TLE3: variants seen among roughly 807,000 people sequenced by gnomAD.
TLE3 encodes the protein transducin-like enhancer protein 3.
TLE3 carries 14 observed loss-of-function variants against 93.0 expected under a neutral mutation model. That is an observed-to-expected ratio of 0.15 (90% CI 0.10 to 0.24). The LOEUF (loss-of-function observed/expected upper bound fraction) is 0.24, where lower values mean the gene tolerates loss of function less well. TLE3 is among the 10% of genes least tolerant of loss of function. The pLI, the probability that TLE3 is intolerant of heterozygous loss-of-function variation, is 1.00. For missense variants in TLE3, 693 were observed against 1,046.6 expected, an observed-to-expected ratio of 0.66 and a Z score of 4.66; for synonymous variants, 451 against 425.0, an observed-to-expected ratio of 1.06 and a Z score of -0.75.
chr15:70,064,666 G>A (rs921043336), intron 7 of TLE3, among the ~76,000 whole-genome samples, 196 bp from the exon 8 acceptor site: 3 of 152,104 alleles, frequency 2.0e-5, no homozygotes, highest in Non-Finnish European at 2.9e-5. Flanking sequence ...GGCGTTTCTC[G>A]GTTTGGAAAT....
At chr15:70,077,897 T>G (rs2057530540) in intron 4 of TLE3, among the ~76,000 whole-genome samples, 1 of 152,196 alleles carries the variant, frequency 6.6e-6, no homozygotes, top group Non-Finnish European at 1.5e-5. Context: ...ACTTCCAAAC[T>G]GCCCAGCTCA....
Position 70,052,364 on chromosome 15 carries a change from C to T in TLE3, c.2125+10G>A, listed in dbSNP as rs1267426897. ...CCACTCCATCAGGCCTGGGCCCATC[C>T]AAGGCTCACCGCAGTAGGCGAACTT... On this transcript the variant is annotated intron_variant, in intron 18 of 19. Coordinates refer to ENST00000451782, the MANE Select transcript of TLE3 (RefSeq NM_001105192.3). 1 of 1,612,488 alleles carries T rather than the reference C, an allele frequency of 6.2e-7. No homozygotes were observed. The highest frequency in any genetic ancestry group is 8.5e-7 in the Non-Finnish European group (1 of 1,179,538).
intron 6 of TLE3, chr15:70,066,912 C>CA (rs2056849756): frequency 5.1e-6 from 2 of 389,888 alleles, no homozygotes; most frequent in Non-Finnish European, 1.1e-5. Context: ...CAGGTTACTT[C>CA]AAGTCCTGGA....
chr15:70,062,926 G>A (rs2056585776), intron 8 of TLE3, among the ~76,000 whole-genome samples: 1 of 152,164 alleles, frequency 6.6e-6, no homozygotes. Context: ...CAGCTCTTGG[G>A]GGTTCCCAGG....
chr15:70,065,934 TG>T, intron 7 of TLE3, 79 bp downstream of exon 7: 2 of 1,427,208 alleles, frequency 1.4e-6, no homozygotes, highest in Non-Finnish European at 9.7e-7. Context: ...CAGCACTTGC[TG>T]GGTCCACTCA....
At chr15:70,089,932 G>A (rs1409629664) in intron 4 of TLE3, among the ~76,000 whole-genome samples, 1 of 152,234 alleles carries the variant, frequency 6.6e-6, no homozygotes, top group Non-Finnish European at 1.5e-5. Flanking sequence ...AGAGAGTTCA[G>A]AGAATGAGTC....
intron 6 of TLE3, among the ~76,000 whole-genome samples, chr15:70,070,915 T>C (rs2057116397): frequency 6.6e-6 from 1 of 152,044 alleles, no homozygotes; most frequent in African/African-American, 2.4e-5. Flanking sequence ...ACGTCCCTCT[T>C]CCTCTCCTCC....
chr15:70,053,509 G>T, intron 16 of TLE3, 135 bp from the exon 17 acceptor site: 1 of 1,036,276 alleles, frequency 9.6e-7, no homozygotes, highest in Non-Finnish European at 1.3e-6. Context: ...GTCCCTTAGC[G>T]AGCTTGCAGC....
At position 70,058,637 on chromosome 15, in the gene TLE3, C is replaced by A; in HGVS notation, c.918+26G>T. 1 of 1,560,844 alleles carries A rather than the reference C, an allele frequency of 6.4e-7. No homozygotes were observed. The highest frequency in any genetic ancestry group is 1.2e-5 in the South Asian group (1 of 84,700). Reference sequence around the variant, plus strand: ...TCCAGTCCCTGCCGCTCCCTTCCCACTCCCTTCCACCCAGACCCCACATAC... The same window carrying A: ...TCCAGTCCCTGCCGCTCCCTTCCCAATCCCTTCCACCCAGACCCCACATAC... On this transcript the variant is annotated intron_variant, in intron 11 of 19. Transcript: ENST00000451782. This position sits in a 1 kb window ranked among gnomAD's most constrained non-coding sequence, Gnocchi z 4.1.
Position 70,050,017 on chromosome 15 carries a change from G to A in TLE3, c.*80C>T, listed in dbSNP as rs531857400. On this transcript the variant is annotated 3_prime_UTR_variant, in exon 20 of 20. Coordinates refer to ENST00000451782, the MANE Select transcript of TLE3 (RefSeq NM_001105192.3). ...CTGCGGCCCATCCTCCGCCATCCTC[G>A]GGGCCCCTCGCCTGGGGGTCTCCCT... 62 of 1,300,850 alleles carry A rather than the reference G, an allele frequency of 4.8e-5. No individual in the cohort carries two copies. The highest frequency in any genetic ancestry group is 1.9e-4 in the South Asian group (16 of 82,842). The allele number at this position is 1,300,850 out of a possible 1,614,324, so 80.6% of individuals were successfully genotyped here. A position where few individuals can be genotyped will look rare whatever the true frequency, so the allele number is the denominator to read the frequency against.
chr15:70,062,486 C>T (rs1223570200), intron 8 of TLE3, among the ~76,000 whole-genome samples: 6 of 152,366 alleles, frequency 3.9e-5, no homozygotes, highest in East Asian at 3.9e-4. Context: ...TGAAAACCCT[C>T]GCCGCTACCG....
At chr15:70,064,575 T>G in intron 7 of TLE3, 105 bp from the exon 8 acceptor site, 11 of 1,485,440 alleles carry the variant, frequency 7.4e-6, no homozygotes, top group Non-Finnish European at 1.0e-5. Context: ...GCTTTTGTGA[T>G]TTGCTAGTGC....
chr15:70,061,752 T>C (rs1303715902), intron 8 of TLE3, among the ~76,000 whole-genome samples: 1 of 152,186 alleles, frequency 6.6e-6, no homozygotes. Context: ...TCAGCCCTGG[T>C]GCTGCAGGCC....
chr15:70,085,986 G>A (rs1012500099), intron 4 of TLE3, among the ~76,000 whole-genome samples: 1 of 152,202 alleles, frequency 6.6e-6, no homozygotes, highest in Non-Finnish European at 1.5e-5. Context: ...AAAGAAGCAG[G>A]TAAGGGTTTA....
intron 12 of TLE3, 44 bp from the exon 13 acceptor site, chr15:70,057,702 G>C: frequency 6.5e-7 from 1 of 1,537,756 alleles, no homozygotes. Flanking sequence ...AGGTGGATTG[G>C]GACATGGCCA....
At position 70,096,996 on chromosome 15, in the gene TLE3, C is replaced by T; in HGVS notation, c.-198G>A. The T allele has an allele frequency of 1.5e-6, 1 of 678,266 alleles. No individual in the cohort carries two copies. The highest frequency in any genetic ancestry group is 2.5e-6 in the Non-Finnish European group (1 of 398,080). The allele number at this position is 678,266 out of a possible 1,614,324, so 42.0% of individuals were successfully genotyped here. A position where few individuals can be genotyped will look rare whatever the true frequency, so the allele number is the denominator to read the frequency against. The stretch of plus-strand genomic sequence containing the variant: ...CAAGTGGAGACAAAGAGCCGCGGAG[C>T]AGGCGGCAAAGTCGTCGGCGGGCGC... On this transcript the variant is annotated 5_prime_UTR_variant, in exon 1 of 20. Coordinates refer to ENST00000451782, the MANE Select transcript of TLE3 (RefSeq NM_001105192.3).
rs2058631676 is a variant in TLE3 at position 70,097,780 on chromosome 15, ACACACACACACGCGCGCACG to A, written c.-1002_-983del. On this transcript the variant is annotated 5_prime_UTR_variant, in exon 1 of 20. Transcript: ENST00000451782. Reference sequence around the variant, plus strand: ...CAAACCCCCAAAACACACACACCCAACACACACACACGCGCGCACGCACACACACACACACCAAAAAAAAA... The same window carrying A: ...CAAACCCCCAAAACACACACACCCAACACACACACACACACCAAAAAAAAA... 1 of 357,556 alleles carries A rather than the reference ACACACACACACGCGCGCACG, an allele frequency of 2.8e-6. No homozygotes were observed. The highest frequency in any genetic ancestry group is 4.7e-5 in the Admixed American group (1 of 21,094). 22.1% of individuals were successfully genotyped at this position (357,556 alleles called of 1,614,324 possible). A position where few individuals can be genotyped will look rare whatever the true frequency, so the allele number is the denominator to read the frequency against.
At chr15:70,062,775 C>T (rs2056576309) in intron 8 of TLE3, among the ~76,000 whole-genome samples, 1 of 152,252 alleles carries the variant, frequency 6.6e-6, no homozygotes, top group South Asian at 2.1e-4. Context: ...GCCGCTGACA[C>T]CGTCACCACG....
chr15:70,051,403 G>A lies in TLE3; in HGVS notation c.2190C>T (p.Ala730=), dbSNP rs770214308. Residue 730 remains alanine (A), a synonymous_variant, in exon 19 of 20, where the codon GCC becomes GCT. Coordinates refer to ENST00000451782, the MANE Select transcript of TLE3 (RefSeq NM_001105192.3). Reference sequence around the variant, plus strand: ...CGGTGGGCAGTACCTGGAATATGCTGGCTCCATAAGGCGTCCTCCAGGCGT... The same window carrying A: ...CGGTGGGCAGTACCTGGAATATGCTAGCTCCATAAGGCGTCCTCCAGGCGT... ...LLNAWRTPYG[A]SIFQSKESSS... 2.5e-6 allele frequency: 4 copies of A among 1,608,956 alleles called. No individual in the cohort carries two copies. The highest frequency in any genetic ancestry group is 1.1e-5 in the South Asian group (1 of 89,846).
Sources: allele counts gnomAD v4.1 joint callset (sites outside exome capture counted in the v4.1 genomes callset), GRCh38; gene constraint gnomAD v4.1.1; non-coding constraint Gnocchi (gnomAD v3.1); transcripts MANE v1.5; gene names NCBI Gene and HGNC (gene_info 2026-07-23, HGNC 2026-07-21).